CCDC170: variants seen among roughly 807,000 people sequenced by gnomAD.
The protein encoded by CCDC170 is coiled-coil domain-containing protein 170.
A neutral mutation model predicts 72.6 loss-of-function variants in CCDC170; 69 were observed. The ratio of observed to expected loss-of-function variants is 0.95; its 90% CI spans 0.78 to 1.16. CCDC170 has a LOEUF of 1.16. Among genes scored for constraint, CCDC170 ranks in the 50% most tolerant of loss-of-function variants. CCDC170 has a pLI of 0.00. For synonymous variants in CCDC170, 300 were observed against 303.9 expected (o/e 0.99, Z 0.13); for missense variants, 852 against 832.5 (o/e 1.02, Z -0.29).
intron 6 of CCDC170, among the ~76,000 whole-genome samples, chr6:151,582,448 G>C (rs910978905): frequency 5.3e-5 from 8 of 152,136 alleles, no homozygotes; most frequent in Non-Finnish European, 1.0e-4. Context: ...CTTTGGATTA[G>C]GCTTTGGCTT....
intron 6 of CCDC170, among the ~76,000 whole-genome samples, chr6:151,577,035 A>G (rs1329124609): frequency 6.6e-6 from 1 of 151,908 alleles, no homozygotes; most frequent in Non-Finnish European, 1.5e-5. Flanking sequence ...CACCACCCAC[A>G]CTTTTACAGC....
chr6:151,586,119 G>C, intron 7 of CCDC170, 30 bp downstream of exon 7: 1 of 1,606,372 alleles, frequency 6.2e-7, no homozygotes, highest in African/African-American at 1.3e-5. Context: ...TCCATGAGTG[G>C]AAGCATCTGT....
chr6:151,611,577 C>A (rs1343222716), intron 9 of CCDC170, among the ~76,000 whole-genome samples: 1 of 152,126 alleles, frequency 6.6e-6, no homozygotes, highest in African/African-American at 2.4e-5. Context: ...TTCCAGAGGT[C>A]CCACTTCTTA....
chr6:151,613,184 A>G (rs1378861015), intron 9 of CCDC170, among the ~76,000 whole-genome samples: 1 of 152,208 alleles, frequency 6.6e-6, no homozygotes, highest in Non-Finnish European at 1.5e-5. Context: ...CGAGAGGATC[A>G]CTTGAGGCCA....
rs372621574 is a variant in CCDC170, at chr6:151,494,140, C to A, written c.12C>A (p.Asp4Glu). Residue 4 changes from aspartate to glutamate, a missense_variant, in exon 1 of 11, where the codon GAC (aspartate) becomes GAA (glutamate). By Grantham distance (45) the Asp-to-Glu change is conservative. Coordinates refer to ENST00000239374, the MANE Select transcript of CCDC170 (RefSeq NM_025059.4). ...GGGCTCGGGTCGTCATGAGCCTGGA[C>A]TGCACCAGCCATATCGCGCTGGGTG... is the stretch of plus-strand genomic sequence containing the variant. MSL[D>E]CTSHIALGAA... The A allele has an allele frequency of 1.2e-4, 176 of 1,513,604 alleles. 1 individual carries two copies. In the African/African-American group the frequency reaches 1.4e-3, roughly 12 times the overall value. 93.8% of individuals were successfully genotyped at this position (1,513,604 alleles called of 1,614,324 possible).
intron 2 of CCDC170, among the ~76,000 whole-genome samples, chr6:151,536,702 G>C (rs994737113): frequency 1.4e-5 from 2 of 147,690 alleles, no homozygotes; most frequent in Non-Finnish European, 3.0e-5. Context: ...TTGAATCCGG[G>C]AGGTGGAGGT....
At chr6:151,574,395 C>T (rs553228256) in intron 6 of CCDC170, among the ~76,000 whole-genome samples, 35 of 152,254 alleles carry the variant, frequency 2.3e-4, no homozygotes, top group Admixed American at 5.2e-4. Flanking sequence ...CTTGAGTTTA[C>T]GGCCTCGGAG....
intron 9 of CCDC170, among the ~76,000 whole-genome samples, chr6:151,597,576 C>A (rs1300620064): frequency 6.6e-6 from 1 of 152,196 alleles, no homozygotes; most frequent in Admixed American, 6.5e-5. Context: ...TGAAAAGAGT[C>A]AGGCAGGCAA....
At chr6:151,529,464 C>T (rs966464390) in intron 1 of CCDC170, among the ~76,000 whole-genome samples, 17 of 152,038 alleles carry the variant, frequency 1.1e-4, no homozygotes, top group East Asian at 1.9e-4. Context: ...CGAGACCAGC[C>T]GGGCCAACAT....
At chr6:151,517,335 T>C (rs545382099) in intron 1 of CCDC170, among the ~76,000 whole-genome samples, 38 of 151,704 alleles carry the variant, frequency 2.5e-4, no homozygotes, top group Non-Finnish European at 5.0e-4. Context: ...TGTGTCTCAG[T>C]AAACAAAAAA....
intron 5 of CCDC170, among the ~76,000 whole-genome samples, chr6:151,552,294 T>C (rs578086133): frequency 8.2e-6 from 1 of 121,506 alleles, no homozygotes; most frequent in East Asian, 2.4e-4. Context: ...TGACTACGAA[T>C]CTCTTTGGCG....
chr6:151,496,211 A>T (rs73783040), intron 1 of CCDC170, among the ~76,000 whole-genome samples: 1,846 of 152,330 alleles, frequency 0.012, 32 homozygotes, highest in African/African-American at 0.04. Context: ...GTCTCAGAGT[A>T]TCACATCAGG....
At position 151,548,782 on chromosome 6, in the gene CCDC170, C is replaced by T. The variant is rs530333415; in HGVS notation, c.774+293C>T. Among the ~76,000 whole-genome samples the T allele has an allele frequency of 8.5e-5, 13 of 152,132 alleles. No individual in the cohort carries two copies. The South Asian group carries it at 1.7e-3, about 19-fold the overall frequency. ...TCACCCAGACTGGAGTGCAGTGGCACGATCCTGACTCACTGCAACTTCCGC... is the reference window on the plus strand; with the variant it reads ...TCACCCAGACTGGAGTGCAGTGGCATGATCCTGACTCACTGCAACTTCCGC... On this transcript the variant is annotated intron_variant, in intron 5 of 10. Transcript: ENST00000239374.
intron 1 of CCDC170, among the ~76,000 whole-genome samples, chr6:151,533,948 T>C (rs746023431): frequency 1.7e-4 from 26 of 152,242 alleles, no homozygotes; most frequent in Admixed American, 9.8e-4. Context: ...ACCTACCTTC[T>C]AAACTCACTC....
chr6:151,496,983 C>T (rs1256296556), intron 1 of CCDC170, among the ~76,000 whole-genome samples: 1 of 152,218 alleles, frequency 6.6e-6, no homozygotes, highest in African/African-American at 2.4e-5. Flanking sequence ...GGTGTCAACA[C>T]CACTGCACCT....
Position 151,593,212 on chromosome 6 carries a change from C to T in CCDC170, c.1399C>T (p.Gln467Ter), listed in dbSNP as rs1776569986. 5 of 1,614,030 alleles carry T rather than the reference C, an allele frequency of 3.1e-6. No homozygotes were observed. The highest frequency in any genetic ancestry group is 1.3e-5 in the African/African-American group (1 of 74,920). ...GGACGTGGTTTTAGCTCGAACAGAGCAGCTGGTTCGTCTTGAGAGCAATGC... is the reference window on the plus strand; with the variant it reads ...GGACGTGGTTTTAGCTCGAACAGAGTAGCTGGTTCGTCTTGAGAGCAATGC... The part of the protein sequence containing the change: ...RLDVVLARTE[Q>*]LVRLESNAVI... The change falls in exon 8 of 11, where the codon CAG becomes TAG. Residue 467 changes from glutamine (Q) to a stop codon, truncating the protein, a stop_gained. Coordinates refer to ENST00000239374, the MANE Select transcript of CCDC170 (RefSeq NM_025059.4). LOFTEE classifies it high-confidence loss of function.
chr6:151,532,148 A>G (rs1490677004), intron 1 of CCDC170, among the ~76,000 whole-genome samples: 3 of 134,102 alleles, frequency 2.2e-5, no homozygotes, highest in Admixed American at 7.8e-5. Flanking sequence ...TGCAAAACCC[A>G]GGAGAATCTA....
At chr6:151,497,801 C>T (rs1389145116) in intron 1 of CCDC170, among the ~76,000 whole-genome samples, 1 of 151,664 alleles carries the variant, frequency 6.6e-6, no homozygotes. Context: ...CATGGTAAAA[C>T]CCCGTCTGTA....
chr6:151,524,929 CTTTTTTTTTTT>C (rs34288029), intron 1 of CCDC170, among the ~76,000 whole-genome samples: 2 of 110,014 alleles, frequency 1.8e-5, no homozygotes, highest in African/African-American at 7.4e-5. Flanking sequence ...TAGTCTGATT[CTTTTTTTTTTT>C]TTTTTTTTTT....
Sources: allele counts gnomAD v4.1 joint callset (sites outside exome capture counted in the v4.1 genomes callset), GRCh38; gene constraint gnomAD v4.1.1; transcripts MANE v1.5; gene names NCBI Gene and HGNC (gene_info 2026-07-23, HGNC 2026-07-21).